The following GNG2 variants were observed in gnomAD, a reference collection of about 807,000 sequenced individuals.
GNG2 encodes G protein subunit gamma 2.
A neutral mutation model predicts 5.5 loss-of-function variants in GNG2; 5 were observed. That is an observed-to-expected ratio of 0.91 (90% CI 0.48 to 1.92). The LOEUF is 1.92. Ranked by LOEUF, GNG2 falls within the 30% of genes most tolerant of loss-of-function variation. The probability of loss-of-function intolerance (pLI) is 0.01; values close to 1 mark genes in which losing one functional copy is unlikely to be tolerated. For synonymous variants in GNG2, 28 were observed against 32.0 expected (o/e 0.88, Z 0.42); for missense variants, 55 against 88.4 (o/e 0.62, Z 1.52).
chr14:51,929,753 C>T (rs1887542947), intron 2 of GNG2, among the ~76,000 whole-genome samples: 2 of 152,224 alleles, frequency 1.3e-5, no homozygotes, highest in Middle Eastern at 3.4e-3. Context: ...GATCCCTCTA[C>T]CCTTGGTAGG....
intron 2 of GNG2, among the ~76,000 whole-genome samples, chr14:51,938,944 A>T (rs1888165609): frequency 6.6e-6 from 1 of 152,236 alleles, no homozygotes; most frequent in African/African-American, 2.4e-5. Flanking sequence ...TAACCAATAG[A>T]TAATTTCCTG....
At chr14:51,955,798 T>A (rs1433992880) in intron 3 of GNG2, among the ~76,000 whole-genome samples, 3 of 152,236 alleles carry the variant, frequency 2.0e-5, no homozygotes, top group Non-Finnish European at 4.4e-5. Flanking sequence ...GCCTTCTGTT[T>A]AAAACACTTT....
intron 1 of GNG2, among the ~76,000 whole-genome samples, chr14:51,826,989 G>A (rs988540973): frequency 3.4e-4 from 52 of 152,298 alleles, no homozygotes; most frequent in African/African-American, 1.3e-3. Flanking sequence ...CCTGGGGGAA[G>A]GAGCGAGGCT....
intron 1 of GNG2, among the ~76,000 whole-genome samples, chr14:51,872,310 T>TTGTGTG (rs35147124): frequency 2.7e-5 from 4 of 149,876 alleles, no homozygotes; most frequent in East Asian, 2.0e-4. Flanking sequence ...AATGACTATT[T>TTGTGTG]TGTGTGTGTG....
intron 2 of GNG2, among the ~76,000 whole-genome samples, chr14:51,943,799 A>C (rs1333712801): frequency 2.2e-5 from 3 of 134,676 alleles, no homozygotes; most frequent in Non-Finnish European, 5.2e-5. Context: ...AGAACACATA[A>C]ATAAATGGAA....
rs144213109 is a variant in GNG2 at position 51,919,897 on chromosome 14, A to T, written c.-29-30753A>T. On this transcript the variant is annotated intron_variant, in intron 2 of 3. Coordinates refer to ENST00000556766, the MANE Select transcript of GNG2 (RefSeq NM_053064.5). ...TCTAGGTATTTATAGGCAAATAAAA[A>T]TAGATATGGCCCCTGTCATGGAGTG... Among the ~76,000 whole-genome samples, 109 of 152,352 alleles carry T rather than the reference A, an allele frequency of 7.2e-4. 1 individual carries two copies. Among genetic ancestry groups the T allele is most frequent in the African/African-American group, 1.9e-3 (78 of 41,584 alleles).
intron 2 of GNG2, among the ~76,000 whole-genome samples, chr14:51,854,669 C>T (rs544774121): frequency 6.0e-4 from 92 of 152,116 alleles, no homozygotes; most frequent in African/African-American, 1.7e-3. Flanking sequence ...CCCGCCACCA[C>T]GCCTGGCTAA....
At chr14:51,845,069 G>A (rs1566641550) in intron 2 of GNG2, among the ~76,000 whole-genome samples, 1 of 152,128 alleles carries the variant, frequency 6.6e-6, no homozygotes, top group African/African-American at 2.4e-5. Flanking sequence ...CTCTTGCTTT[G>A]ATTTAAAATA....
At chr14:51,952,481 G>A (rs150836427) in intron 3 of GNG2, among the ~76,000 whole-genome samples, 1,639 of 152,310 alleles carry the variant, frequency 0.011, 11 homozygotes, top group Non-Finnish European at 0.016. Context: ...AAATCAGAAA[G>A]GGTCATTCAG....
intron 2 of GNG2, among the ~76,000 whole-genome samples, chr14:51,839,006 A>G (rs1041692665): frequency 6.6e-6 from 1 of 151,970 alleles, no homozygotes; most frequent in Admixed American, 6.6e-5. Context: ...CAAATAACTC[A>G]AGCCCATAAG....
chr14:51,949,451 T>A (rs947472676), intron 2 of GNG2, among the ~76,000 whole-genome samples: 13 of 152,248 alleles, frequency 8.5e-5, no homozygotes, highest in African/African-American at 2.9e-4. Context: ...GTTTTCTGTG[T>A]GTTCTTTTTC....
intron 2 of GNG2, among the ~76,000 whole-genome samples, chr14:51,927,399 T>C (rs1226315463): frequency 6.6e-6 from 1 of 152,236 alleles, no homozygotes; most frequent in Admixed American, 6.5e-5. Flanking sequence ...TTTGTATTTA[T>C]TAGCTGGAGA....
At chr14:51,923,164 T>C (rs989394725) in intron 2 of GNG2, among the ~76,000 whole-genome samples, 8 of 152,172 alleles carry the variant, frequency 5.3e-5, no homozygotes, top group Non-Finnish European at 1.0e-4. Context: ...TTTTTTCTGT[T>C]GTGGACTGGC....
At chr14:51,840,475 A>G (rs1470371876) in intron 2 of GNG2, among the ~76,000 whole-genome samples, 2 of 152,208 alleles carry the variant, frequency 1.3e-5, no homozygotes, top group African/African-American at 4.8e-5. Context: ...AAAGTTGCCC[A>G]GTTCCCAGTT....
chr14:51,875,104 A>C (rs1883569924), intron 1 of GNG2, among the ~76,000 whole-genome samples: 1 of 152,238 alleles, frequency 6.6e-6, no homozygotes, highest in South Asian at 2.1e-4. Context: ...GGCTAACATA[A>C]GTTAGAAGTT....
intron 3 of GNG2, 127 bp from the exon 4 acceptor site, chr14:51,966,432 C>G (rs376870310): frequency 1.4e-5 from 11 of 785,614 alleles, no homozygotes; most frequent in East Asian, 1.2e-4. Context: ...GAAGCAGAAG[C>G]TTTTAGAGGC....
At chr14:51,914,305 C>T in intron 2 of GNG2, 1 of 701,900 alleles carries the variant, frequency 1.4e-6, no homozygotes, top group Non-Finnish European at 2.6e-6. Flanking sequence ...CGTCTCAGGC[C>T]ATTTCATTAT....
chr14:51,920,968 A>G (rs1886982674), intron 2 of GNG2, among the ~76,000 whole-genome samples: 1 of 152,190 alleles, frequency 6.6e-6, no homozygotes, highest in Admixed American at 6.5e-5. Flanking sequence ...TGCTGCAAAC[A>G]TTGCCAAGAA....
At chr14:51,911,449 C>A (rs543174281) in intron 2 of GNG2, among the ~76,000 whole-genome samples, 1 of 152,118 alleles carries the variant, frequency 6.6e-6, no homozygotes, top group East Asian at 1.9e-4. Flanking sequence ...GAGTTCAAAT[C>A]GTGGCCCCTC....
Sources: gnomAD v4.1 joint callset for allele counts (sites outside exome capture counted in the v4.1 genomes callset) on GRCh38, gnomAD v4.1.1 for gene constraint, MANE v1.5 for transcripts, NCBI Gene and HGNC (gene_info 2026-07-23, HGNC 2026-07-21) for gene names.